The following TRAF3 variants were observed in gnomAD, a reference collection of about 807,000 sequenced individuals.
TRAF3 encodes the protein TNF receptor associated factor 3, also known as TNF receptor-associated factor 3.
TRAF3 carries 13 observed loss-of-function variants against 62.3 expected under a neutral mutation model. That is an observed-to-expected ratio of 0.21 (90% CI 0.14 to 0.33). TRAF3 has a LOEUF of 0.33. TRAF3 is among the 10% of genes least tolerant of loss of function. TRAF3 has a pLI of 1.00. For missense variants in TRAF3, 440 were observed against 741.8 expected (o/e 0.59, Z 4.73); for synonymous variants, 269 against 283.4 (o/e 0.95, Z 0.51).
rs567477083 is a variant in TRAF3, at chr14:102,876,316, G to GT, written c.403-35dup. ...TAGAATCTGGTATTTCAGATTTAGGGTTTTTTTCCCAATTAAGAACATTGA... is the reference window on the plus strand; with the variant it reads ...TAGAATCTGGTATTTCAGATTTAGGGTTTTTTTTCCCAATTAAGAACATTGA... On this transcript the variant is annotated intron_variant, in intron 5 of 11. Coordinates refer to ENST00000392745, the MANE Select transcript of TRAF3 (RefSeq NM_145725.3). The GT allele has an allele frequency of 5.0e-4, 800 of 1,609,082 alleles. 4 individuals are homozygous for GT. The highest frequency in any genetic ancestry group is 3.1e-3 in the African/African-American group (235 of 74,936).
At chr14:102,815,138 T>C (rs1163532096) in intron 1 of TRAF3, among the ~76,000 whole-genome samples, 1 of 151,668 alleles carries the variant, frequency 6.6e-6, no homozygotes, top group South Asian at 2.1e-4. Context: ...AGAGTTTTAC[T>C]ATGTTGCCCG....
chr14:102,842,995 G>T (rs1421542367), intron 2 of TRAF3, among the ~76,000 whole-genome samples: 1 of 151,994 alleles, frequency 6.6e-6, no homozygotes, highest in East Asian at 1.9e-4. Flanking sequence ...ATCACCTGAG[G>T]TCGGGAGTTT....
Position 102,901,886 on chromosome 14 carries a change from G to A in TRAF3, c.961-1369G>A, listed in dbSNP as rs1047005780. ...CCTGGGGCCCGCCCCTCGAGCACCC[G>A]GTGTGGCCCTCAGCTTGTGAGGTGG... On this transcript the variant is annotated intron_variant, in intron 10 of 11. Coordinates refer to ENST00000392745, the MANE Select transcript of TRAF3 (RefSeq NM_145725.3). 2.6e-5 allele frequency among the ~76,000 whole-genome samples: 4 copies of A among 152,288 alleles called. No individual in the cohort carries two copies. In the East Asian group the frequency reaches 7.8e-4, roughly 30 times the overall value.
At chr14:102,851,881 C>T (rs1887064657) in intron 2 of TRAF3, among the ~76,000 whole-genome samples, 1 of 151,828 alleles carries the variant, frequency 6.6e-6, no homozygotes, top group African/African-American at 2.4e-5. Flanking sequence ...ATGGCGAGAC[C>T]CTGTCTCTAC....
intron 3 of TRAF3, 49 bp downstream of exon 3, chr14:102,870,495 C>T: frequency 1.2e-6 from 2 of 1,604,922 alleles, no homozygotes; most frequent in Non-Finnish European, 8.5e-7. Context: ...CAGCCCTCGG[C>T]CTCACCCTCT....
intron 2 of TRAF3, among the ~76,000 whole-genome samples, chr14:102,849,475 A>G (rs1285363491): frequency 6.6e-6 from 1 of 152,268 alleles, no homozygotes; most frequent in Non-Finnish European, 1.5e-5. Flanking sequence ...TAAAAATCCT[A>G]ACTCTTATGA....
intron 6 of TRAF3, among the ~76,000 whole-genome samples, chr14:102,879,843 G>A (rs1346015722): frequency 6.6e-6 from 1 of 152,110 alleles, no homozygotes; most frequent in African/African-American, 2.4e-5. Context: ...GAGGCTGGGT[G>A]TGGTAGCTCA....
At chr14:102,810,188 C>G (rs557243020) in intron 1 of TRAF3, among the ~76,000 whole-genome samples, 1 of 152,316 alleles carries the variant, frequency 6.6e-6, no homozygotes, top group Non-Finnish European at 1.5e-5. Context: ...CTCCCCCCTA[C>G]AACTGTAATG....
chr14:102,864,059 T>C (rs1887832400), intron 2 of TRAF3, among the ~76,000 whole-genome samples: 1 of 152,200 alleles, frequency 6.6e-6, no homozygotes, highest in Non-Finnish European at 1.5e-5. Flanking sequence ...CTGGTTTTTC[T>C]TGATTAAGCA....
intron 1 of TRAF3, among the ~76,000 whole-genome samples, chr14:102,804,235 G>A (rs1253032138): frequency 1.3e-5 from 2 of 151,990 alleles, no homozygotes; most frequent in African/African-American, 4.8e-5. Flanking sequence ...ATTGACTTGT[G>A]TGTGTCTACG....
chr14:102,899,946 G>A (rs548830099), intron 10 of TRAF3, among the ~76,000 whole-genome samples: 3 of 152,198 alleles, frequency 2.0e-5, no homozygotes, highest in South Asian at 2.1e-4. Flanking sequence ...TTGGGAGGCC[G>A]AGGCGGGCGG....
intron 3 of TRAF3, 75 bp downstream of exon 3, chr14:102,870,521 C>T (rs1366323981): frequency 1.9e-6 from 3 of 1,569,682 alleles, no homozygotes; most frequent in Non-Finnish European, 2.6e-6. Context: ...ATTCGTTTCT[C>T]TAAAAATAAA....
intron 2 of TRAF3, among the ~76,000 whole-genome samples, chr14:102,868,555 A>G (rs2139818735): frequency 6.6e-6 from 1 of 152,340 alleles, no homozygotes; most frequent in African/African-American, 2.4e-5. Context: ...AACTTTTCCA[A>G]GAAAGTTCAT....
chr14:102,878,207 C>T (rs1595387902), intron 6 of TRAF3, among the ~76,000 whole-genome samples: 1 of 152,282 alleles, frequency 6.6e-6, no homozygotes, highest in South Asian at 2.1e-4. Flanking sequence ...TGTGACATAA[C>T]CATCACTTAC....
At chr14:102,887,215 G>A (rs531558180) in intron 7 of TRAF3, among the ~76,000 whole-genome samples, 6 of 152,224 alleles carry the variant, frequency 3.9e-5, no homozygotes, top group Non-Finnish European at 1.5e-5. Flanking sequence ...GCTACCCTGG[G>A]CTCCCTGGAT....
chr14:102,869,244 C>T (rs953493954), intron 2 of TRAF3, among the ~76,000 whole-genome samples: 5 of 152,184 alleles, frequency 3.3e-5, no homozygotes, highest in Non-Finnish European at 5.9e-5. Context: ...GGGTGAATGT[C>T]AAAACTGAGC....
At chr14:102,808,848 C>T (rs1031555010) in intron 1 of TRAF3, among the ~76,000 whole-genome samples, 7 of 151,554 alleles carry the variant, frequency 4.6e-5, no homozygotes, top group Admixed American at 1.3e-4. Flanking sequence ...GACAGTCTTA[C>T]GCTGTTGCCC....
chr14:102,800,064 C>G (rs956521687), intron 1 of TRAF3, among the ~76,000 whole-genome samples: 1 of 152,166 alleles, frequency 6.6e-6, no homozygotes, highest in African/African-American at 2.4e-5. Context: ...TCTCAGAGCC[C>G]TACTTTATTA....
At chr14:102,846,977 C>A (rs148047797) in intron 2 of TRAF3, among the ~76,000 whole-genome samples, 1 of 151,992 alleles carries the variant, frequency 6.6e-6, no homozygotes, top group African/African-American at 2.4e-5. Context: ...CTTCATGAAA[C>A]GGTATACATA....
Sources: allele counts gnomAD v4.1 joint callset (sites outside exome capture counted in the v4.1 genomes callset), GRCh38; gene constraint gnomAD v4.1.1; transcripts MANE v1.5; gene names NCBI Gene and HGNC (gene_info 2026-07-23, HGNC 2026-07-21).